Variants in DCHS2 observed in about 807,000 individuals in gnomAD.
The protein encoded by DCHS2 is dachsous cadherin-related 2.
DCHS2 carries 142 observed loss-of-function variants against 182.4 expected under a neutral mutation model. The ratio of observed to expected loss-of-function variants is 0.78; its 90% CI spans 0.68 to 0.89. DCHS2 has a LOEUF of 0.89. DCHS2 is among the 40% of genes least tolerant of loss of function. The pLI is 0.00. For synonymous variants in DCHS2, 1,740 were observed against 1,663.3 expected (o/e 1.05, Z -1.12); for missense variants, 4,319 against 4,198.6 (o/e 1.03, Z -0.79).
At chr4:154,304,025 G>T (rs1010888292) in intron 12 of DCHS2, among the ~76,000 whole-genome samples, 1 of 151,088 alleles carries the variant, frequency 6.6e-6, no homozygotes. Context: ...TTATTCGCAG[G>T]TACCATTTTT....
intron 5 of DCHS2, among the ~76,000 whole-genome samples, chr4:154,330,089 T>A (rs1427185662): frequency 6.6e-6 from 1 of 152,222 alleles, no homozygotes; most frequent in Admixed American, 6.5e-5. Context: ...TGACACAGGT[T>A]CTGGCTTTGG....
At chr4:154,441,164 G>A (rs1039806840) in intron 1 of DCHS2, among the ~76,000 whole-genome samples, 6 of 152,116 alleles carry the variant, frequency 3.9e-5, no homozygotes, top group East Asian at 1.9e-4. Flanking sequence ...AAAATAGAAC[G>A]GAAAGCCTCA....
At chr4:154,302,972 CACACACACAT>C (rs1362110312) in intron 12 of DCHS2, among the ~76,000 whole-genome samples, 9 of 105,866 alleles carry the variant, frequency 8.5e-5, no homozygotes, top group African/African-American at 3.2e-4. Context: ...CACACACCCA[CACACACACAT>C]ATTTTTTTTT....
intron 1 of DCHS2, among the ~76,000 whole-genome samples, chr4:154,436,308 A>C (rs139285853): frequency 1.8e-3 from 267 of 152,350 alleles, no homozygotes; most frequent in African/African-American, 6.1e-3. Flanking sequence ...AAAAATATTA[A>C]GTAGCTCTTT....
rs1733122469 is a variant in DCHS2, at chr4:154,421,741, C to G, written c.2053-44297G>C. Among the ~76,000 whole-genome samples, 7 of 152,230 alleles carry G rather than the reference C, an allele frequency of 4.6e-5. No individual in the cohort carries two copies. In the South Asian group the frequency reaches 1.4e-3, roughly 32 times the overall value. ...TCGTCTGCTTTAAAAAATAAAAACA[C>G]TACCTTGCACCCATTTTCCCTTCTA... On this transcript the variant is annotated intron_variant, in intron 1 of 19. Coordinates refer to ENST00000357232, the MANE Select transcript of DCHS2 (RefSeq NM_001358235.2).
At chr4:154,336,804 A>T in intron 3 of DCHS2, among the ~76,000 whole-genome samples, 1 of 152,312 alleles carries the variant, frequency 6.6e-6, no homozygotes, top group Non-Finnish European at 1.5e-5. Flanking sequence ...ATTTGTGATT[A>T]TAACCATTTT....
At chr4:154,268,993 C>A (rs1222607194) in intron 14 of DCHS2, 1 of 152,166 alleles carries the variant, frequency 6.6e-6, no homozygotes. Flanking sequence ...TTTCCCAGAA[C>A]CCTCAGACAC....
intron 13 of DCHS2, among the ~76,000 whole-genome samples, chr4:154,271,316 A>C (rs1733579675): frequency 6.6e-6 from 1 of 152,192 alleles, no homozygotes; most frequent in Non-Finnish European, 1.5e-5. Flanking sequence ...TAGGCTTTAC[A>C]AGTCACACAG....
At chr4:154,261,319 C>T (rs756427828) in intron 14 of DCHS2, among the ~76,000 whole-genome samples, 2 of 152,166 alleles carry the variant, frequency 1.3e-5, no homozygotes, top group Non-Finnish European at 2.9e-5. Flanking sequence ...TTTGGAATGT[C>T]TCTTTGTAGT....
intron 2 of DCHS2, among the ~76,000 whole-genome samples, chr4:154,367,854 G>A (rs1730459133): frequency 6.6e-6 from 1 of 152,156 alleles, no homozygotes; most frequent in African/African-American, 2.4e-5. Flanking sequence ...TTGACAGGGA[G>A]AGAGGGAGGG....
At position 154,235,467 on chromosome 4, in the gene DCHS2, A is replaced by T. The variant is rs1252115898; in HGVS notation, c.9185T>A (p.Val3062Glu). 1.9e-6 allele frequency: 3 copies of T among 1,613,948 alleles called. No individual in the cohort carries two copies. The South Asian group carries it at 3.3e-5, about 18-fold the overall frequency. ...FQKTDDCSNEVVPVDATPEWL... is the reference protein window; with the variant it reads ...FQKTDDCSNEEVPVDATPEWL... ...TTCCGGAGTGGCATCCACAGGGACC[A>T]CCTCGTTACTGCAGTCGTCAGTTTT... Residue 3062 changes from valine to glutamate, a missense_variant, in exon 20 of 20, where the codon GTG (valine) becomes GAG (glutamate). Physicochemically the swap from Val to Glu is moderately radical, Grantham distance 121. Transcript: ENST00000357232.
At position 154,332,933 on chromosome 4, in the gene DCHS2, T is replaced by C; in HGVS notation, c.3275A>G (p.Glu1092Gly). 1 of 1,614,022 alleles carries C rather than the reference T, an allele frequency of 6.2e-7. No individual in the cohort carries two copies. The highest frequency in any genetic ancestry group is 8.5e-7 in the Non-Finnish European group (1 of 1,179,908). The part of the protein sequence containing the change: ...WTFEHLVYQV[E>G]VSESLSPMTQ... ...CATCGGTGAGAGAGACTCACTGACT[T>C]CCACTTGATAGACCAAATGTTCGAA... is the stretch of plus-strand genomic sequence containing the variant. The change falls in exon 5 of 20, where the codon GAA becomes GGA. Residue 1092 changes from glutamate to glycine, a missense_variant. Glu to Gly is a moderately conservative substitution (Grantham distance 98). Coordinates refer to ENST00000357232, the MANE Select transcript of DCHS2 (RefSeq NM_001358235.2).
intron 1 of DCHS2, chr4:154,486,344 T>A: frequency 8.0e-7 from 1 of 1,247,802 alleles, no homozygotes; most frequent in Non-Finnish European, 1.1e-6. Flanking sequence ...ACTAGAGTGG[T>A]AGGACCCCAA....
intron 17 of DCHS2, among the ~76,000 whole-genome samples, chr4:154,241,861 A>G (rs1179104892): frequency 6.6e-6 from 1 of 152,204 alleles, no homozygotes; most frequent in Non-Finnish European, 1.5e-5. Context: ...ATCTCTATGC[A>G]TAGACATGTC....
intron 1 of DCHS2, among the ~76,000 whole-genome samples, chr4:154,438,056 A>G (rs769407240): frequency 7.2e-5 from 11 of 152,172 alleles, no homozygotes; most frequent in Non-Finnish European, 1.5e-4. Context: ...TACTCCTCTC[A>G]GTCCCCCTGT....
At chr4:154,264,128 G>A (rs770935140) in intron 14 of DCHS2, among the ~76,000 whole-genome samples, 1 of 152,116 alleles carries the variant, frequency 6.6e-6, no homozygotes, top group African/African-American at 2.4e-5. Context: ...TTGCAGAAAA[G>A]GAAGCAAATC....
chr4:154,398,608 T>C (rs1049948025), intron 1 of DCHS2, among the ~76,000 whole-genome samples: 4 of 152,206 alleles, frequency 2.6e-5, no homozygotes, highest in East Asian at 1.9e-4. Context: ...AATTTTTGAA[T>C]GGTTTTTTGG....
chr4:154,323,460 G>A, intron 7 of DCHS2: 1 of 1,308,992 alleles, frequency 7.6e-7, no homozygotes, highest in Non-Finnish European at 1.0e-6. Flanking sequence ...CTCCCAGATA[G>A]CTGGGACTAC....
chr4:154,329,681 G>T lies in DCHS2; in HGVS notation c.3760C>A (p.Arg1254Ser), dbSNP rs770120703. ...ATCTCATGGTGCCCCCGGTGCTCAC[G>T]ATCCAGTGCCACCCAATTGATTAAC... ...GELINWVALD[R>S]EHRGHHEMTV... The change falls in exon 6 of 20, where the codon CGT (arginine) becomes AGT (serine). Residue 1254 changes from arginine to serine, a missense_variant. Arg to Ser is a moderately radical substitution (Grantham distance 110). Transcript: ENST00000357232. 1.6e-5 allele frequency: 25 copies of T among 1,611,866 alleles called. No homozygotes were observed. The South Asian group carries it at 2.4e-4, about 16-fold the overall frequency.
Sources: allele counts gnomAD v4.1 joint callset (sites outside exome capture counted in the v4.1 genomes callset), GRCh38; gene constraint gnomAD v4.1.1; transcripts MANE v1.5; gene names NCBI Gene and HGNC (gene_info 2026-07-23, HGNC 2026-07-21).